ZNF423: variants seen among roughly 807,000 people sequenced by gnomAD.
The protein encoded by ZNF423 is zinc finger protein 423.
A neutral mutation model predicts 95.8 loss-of-function variants in ZNF423; 12 were observed. The observed-to-expected ratio is 0.13, with a 90% CI of 0.08 to 0.20. The LOEUF (loss-of-function observed/expected upper bound fraction) is 0.20. ZNF423 is among the 10% of genes least tolerant of loss of function. ZNF423 has a pLI of 1.00. For missense variants in ZNF423, 1,316 were observed against 1,737.1 expected, an observed-to-expected ratio of 0.76 and a Z score of 4.31; for synonymous variants, 749 against 711.9, an observed-to-expected ratio of 1.05 and a Z score of -0.83.
At chr16:49,503,411 C>T (rs1269781396) in intron 7 of ZNF423, among the ~76,000 whole-genome samples, 1 of 152,182 alleles carries the variant, frequency 6.6e-6, no homozygotes, top group East Asian at 1.9e-4. Context: ...CCAGATGGCC[C>T]TCCATGGTCT....
intron 3 of ZNF423, among the ~76,000 whole-genome samples, chr16:49,685,678 C>T (rs896855103): frequency 6.6e-6 from 1 of 152,212 alleles, no homozygotes; most frequent in Non-Finnish European, 1.5e-5. Context: ...TCGCACACAC[C>T]CTCTGTTCTC....
chr16:49,776,547 C>T (rs980600181), intron 2 of ZNF423, among the ~76,000 whole-genome samples: 1 of 152,242 alleles, frequency 6.6e-6, no homozygotes, highest in Non-Finnish European at 1.5e-5. Flanking sequence ...CAACCTGCAG[C>T]TGTCCAGCCT....
chr16:49,740,736 C>T (rs1168032974), intron 2 of ZNF423, among the ~76,000 whole-genome samples: 2 of 152,202 alleles, frequency 1.3e-5, no homozygotes, highest in African/African-American at 4.8e-5. Context: ...CTACATCACA[C>T]AAGCCTTGCT....
At chr16:49,491,607 G>A (rs1966972597) in intron 7 of ZNF423, among the ~76,000 whole-genome samples, 2 of 151,060 alleles carry the variant, frequency 1.3e-5, no homozygotes, top group Admixed American at 1.3e-4. Context: ...TAGGTGGAGG[G>A]AAAGGGGAAA....
intron 5 of ZNF423, among the ~76,000 whole-genome samples, chr16:49,541,397 C>T (rs561983447): frequency 2.0e-5 from 3 of 152,150 alleles, no homozygotes; most frequent in African/African-American, 7.2e-5. Context: ...ATACACAAAA[C>T]CAGGTAGTAA....
chr16:49,567,845 G>A (rs781384449), intron 5 of ZNF423, among the ~76,000 whole-genome samples: 5 of 152,182 alleles, frequency 3.3e-5, no homozygotes, highest in Non-Finnish European at 7.3e-5. Flanking sequence ...TGACAGGGTG[G>A]ACCCAGCTCT....
chr16:49,548,930 T>C (rs981388557), intron 5 of ZNF423, among the ~76,000 whole-genome samples: 8 of 152,240 alleles, frequency 5.3e-5, no homozygotes, highest in Admixed American at 5.2e-4. Context: ...GCAACACTGG[T>C]CTGACCAGGC....
chr16:49,791,876 C>T (rs975984110), intron 1 of ZNF423, among the ~76,000 whole-genome samples: 1 of 151,858 alleles, frequency 6.6e-6, no homozygotes, highest in African/African-American at 2.4e-5. Flanking sequence ...GTGGTGCATG[C>T]CTGTAGTCTC....
At chr16:49,534,742 T>C (rs1010531675) in intron 5 of ZNF423, among the ~76,000 whole-genome samples, 6 of 152,194 alleles carry the variant, frequency 3.9e-5, no homozygotes, top group South Asian at 2.1e-4. Context: ...TGGGACATTG[T>C]GTGTTCTCTC....
At chr16:49,707,169 G>A (rs564011089) in intron 3 of ZNF423, among the ~76,000 whole-genome samples, 15 of 152,192 alleles carry the variant, frequency 9.9e-5, no homozygotes, top group African/African-American at 1.2e-4. Flanking sequence ...GGTCCCTGCC[G>A]GTACCCCGAC....
chr16:49,768,459 A>G (rs998131524), intron 2 of ZNF423, among the ~76,000 whole-genome samples: 1 of 152,158 alleles, frequency 6.6e-6, no homozygotes, highest in African/African-American at 2.4e-5. Context: ...GGTGTCATCA[A>G]GGTCACGGCA....
chr16:49,695,176 C>T (rs911716022), intron 3 of ZNF423, among the ~76,000 whole-genome samples: 4 of 152,222 alleles, frequency 2.6e-5, no homozygotes, highest in Non-Finnish European at 4.4e-5. Flanking sequence ...TGCGGTGGCG[C>T]GATCTGGGCT....
At chr16:49,799,403 C>T (rs539206573) in intron 1 of ZNF423, among the ~76,000 whole-genome samples, 4 of 152,272 alleles carry the variant, frequency 2.6e-5, no homozygotes, top group South Asian at 4.1e-4. Context: ...TTTCCCACTG[C>T]GATTTAGCCC....
chr16:49,570,753 A>G (rs921274364), intron 5 of ZNF423, among the ~76,000 whole-genome samples: 1 of 152,266 alleles, frequency 6.6e-6, no homozygotes, highest in African/African-American at 2.4e-5. Flanking sequence ...TAGCTGGACC[A>G]GACGGCTCTG....
chr16:49,664,026 T>C (rs1246455874), intron 3 of ZNF423: 4 of 978,848 alleles, frequency 4.1e-6, no homozygotes, highest in Non-Finnish European at 4.9e-6. Context: ...CACCAGCCTG[T>C]TTTATTCATT....
At position 49,730,982 on chromosome 16, in the gene ZNF423, G is replaced by A; in HGVS notation, c.101-11C>T. The A allele has an allele frequency of 6.2e-7, 1 of 1,614,056 alleles. No individual in the cohort carries two copies. ...CTCCTTCTAGGCCTCCTGCCAACAG[G>A]AAGAATACAGTCCATGTCAGCTGAT... On this transcript the variant is annotated splice_polypyrimidine_tract_variant and intron_variant, in intron 2 of 7. Transcript: ENST00000563137.
chr16:49,551,634 G>A (rs927191197), intron 5 of ZNF423, among the ~76,000 whole-genome samples: 3 of 152,282 alleles, frequency 2.0e-5, no homozygotes, highest in South Asian at 2.1e-4. Context: ...TGCAAAACAC[G>A]CAGGGTGCAT....
chr16:49,819,995 G>T (rs1278364484), intron 1 of ZNF423, among the ~76,000 whole-genome samples: 1 of 152,068 alleles, frequency 6.6e-6, no homozygotes, highest in Non-Finnish European at 1.5e-5. Context: ...TGTAGGTTAG[G>T]AGTATTATTA....
intron 1 of ZNF423, among the ~76,000 whole-genome samples, chr16:49,795,828 C>A (rs1425489473): frequency 6.6e-6 from 1 of 152,214 alleles, no homozygotes; most frequent in African/African-American, 2.4e-5. Flanking sequence ...CAAAGGAGCA[C>A]CCGAACACAT....
Sources: allele counts gnomAD v4.1 joint callset (sites outside exome capture counted in the v4.1 genomes callset), GRCh38; gene constraint gnomAD v4.1.1; transcripts MANE v1.5; gene names NCBI Gene and HGNC (gene_info 2026-07-23, HGNC 2026-07-21).